The following TIAM2 variants were observed in gnomAD, a reference collection of about 807,000 sequenced individuals.
TIAM2 encodes TIAM Rac1 associated GEF 2, also known as rho guanine nucleotide exchange factor TIAM2.
Under a neutral mutation model 152.9 loss-of-function variants are expected in TIAM2, and 80 were observed. The ratio of observed to expected loss-of-function variants is 0.52; its 90% CI spans 0.44 to 0.63. The LOEUF is 0.63. Ranked by LOEUF, TIAM2 falls within the 30% of genes least tolerant of loss-of-function variation. The pLI is 0.00. For missense variants in TIAM2, 1,965 were observed against 2,120.1 expected (o/e 0.93, Z 1.44); for synonymous variants, 804 against 838.0 (o/e 0.96, Z 0.70).
At chr6:155,094,546 CT>C (rs10694318) in intron 2 of TIAM2, among the ~76,000 whole-genome samples, 8 of 79,958 alleles carry the variant, frequency 1.0e-4, no homozygotes, top group Admixed American at 3.8e-4. Context: ...TTCACTCAGA[CT>C]TTTTTTTTTT....
In TIAM2 at chr6:155,028,141, T is replaced by C. The variant is rs915283401; in HGVS notation, c.-209+32649T>C. ...TGTTACATATATACTATATATAATA[T>C]ATGTACTGTTACATATATACTACAT... On this transcript the variant is annotated intron_variant, in intron 1 of 26. Transcript: ENST00000682666. 3.9e-5 allele frequency among the ~76,000 whole-genome samples: 4 copies of C among 101,960 alleles called. No homozygotes were observed. The East Asian group carries it at 1.1e-3, about 27-fold the overall frequency. The allele number at this position is 101,960 out of a possible 152,430, so 66.9% of individuals were successfully genotyped here.
intron 1 of TIAM2, among the ~76,000 whole-genome samples, chr6:155,065,654 G>T (rs1777677343): frequency 6.6e-6 from 1 of 152,064 alleles, no homozygotes; most frequent in Admixed American, 6.6e-5. Context: ...GGTGACTGTA[G>T]TGCCAGCTCC....
At chr6:155,074,720 GTTCT>G (rs1777915635) in intron 1 of TIAM2, among the ~76,000 whole-genome samples, 1 of 151,966 alleles carries the variant, frequency 6.6e-6, no homozygotes, top group African/African-American at 2.4e-5. Flanking sequence ...TGTTTATTAC[GTTCT>G]TTCTAAGAGA....
chr6:155,132,760 G>A (rs1272537926), intron 4 of TIAM2, among the ~76,000 whole-genome samples: 1 of 152,202 alleles, frequency 6.6e-6, no homozygotes, highest in African/African-American at 2.4e-5. Flanking sequence ...TCCCCTAATT[G>A]GTGGTGGCAT....
rs999640206 is a variant in TIAM2 at position 155,218,470 on chromosome 6, A to G, written c.3168+7163A>G. Among the ~76,000 whole-genome samples the G allele has an allele frequency of 2.0e-5, 3 of 152,324 alleles. No individual in the cohort carries two copies. The highest frequency in any genetic ancestry group is 4.1e-4 in the South Asian group (2 of 4,826). ...TTCCCATCCACCATGCCTTATCATT[A>G]TGTGACCTGGGGCAAGTTACCCAAC... On this transcript the variant is annotated intron_variant, in intron 15 of 26. Transcript: ENST00000682666. This position sits in a 1 kb window ranked among gnomAD's most constrained non-coding sequence, Gnocchi z 4.5.
chr6:155,088,244 C>T (rs139575059), intron 1 of TIAM2, among the ~76,000 whole-genome samples: 2,763 of 151,834 alleles, frequency 0.018, 90 homozygotes, highest in African/African-American at 0.063. Flanking sequence ...TTAGTAGAGA[C>T]GGGGTTTCTC....
Position 155,250,310 on chromosome 6 carries a change from T to TA in TIAM2, c.3951+343dup, listed in dbSNP as rs1238294344. On this transcript the variant is annotated intron_variant, in intron 21 of 26. Transcript: ENST00000682666. ...TTTTGCCTTTTTTTTTTTTTTTTTT[T>TA]AACATCAAATATTGGTGGTTACCTG... Among the ~76,000 whole-genome samples, 113 of 146,170 alleles carry TA rather than the reference T, an allele frequency of 7.7e-4. 1 individual carries two copies. The East Asian group carries it at 0.019, about 25-fold the overall frequency.
chr6:155,094,530 G>T (rs1324770025), intron 2 of TIAM2, among the ~76,000 whole-genome samples: 1 of 147,622 alleles, frequency 6.8e-6, no homozygotes, highest in Non-Finnish European at 1.5e-5. Flanking sequence ...ACTCAGTCAG[G>T]CCTGCTTCAC....
chr6:155,197,834 G>T (rs553662785), intron 14 of TIAM2, among the ~76,000 whole-genome samples: 5 of 152,140 alleles, frequency 3.3e-5, no homozygotes, highest in Non-Finnish European at 7.3e-5. Flanking sequence ...CTCCCACCGG[G>T]TCCCTCCCAG....
intron 22 of TIAM2, among the ~76,000 whole-genome samples, chr6:155,251,503 T>C (rs1289372833): frequency 6.6e-6 from 1 of 152,064 alleles, no homozygotes; most frequent in African/African-American, 2.4e-5. Flanking sequence ...GCCAGACTGG[T>C]CTCGAACTCC....
At chr6:155,239,929 C>A (rs902656123) in intron 15 of TIAM2, among the ~76,000 whole-genome samples, 1 of 151,312 alleles carries the variant, frequency 6.6e-6, no homozygotes, top group Non-Finnish European at 1.5e-5. Flanking sequence ...GCTTCTACTC[C>A]ATTACTAGCA....
intron 15 of TIAM2, among the ~76,000 whole-genome samples, chr6:155,236,642 G>A (rs1299213323): frequency 6.6e-6 from 1 of 152,178 alleles, no homozygotes; most frequent in Non-Finnish European, 1.5e-5. Flanking sequence ...CAGCCTGGGT[G>A]ACAGAGCAAG....
intron 7 of TIAM2, among the ~76,000 whole-genome samples, chr6:155,161,081 CT>C (rs1780256766): frequency 6.6e-6 from 1 of 152,154 alleles, no homozygotes; most frequent in Non-Finnish European, 1.5e-5. Flanking sequence ...CTGAATTCAC[CT>C]GTATTTTGTC....
chr6:155,044,190 A>G (rs1777108856), intron 1 of TIAM2, among the ~76,000 whole-genome samples: 1 of 152,106 alleles, frequency 6.6e-6, no homozygotes. Context: ...ACTGTTTTTC[A>G]CAGAAGATAA....
At chr6:155,066,489 CA>C (rs1777696787) in intron 1 of TIAM2, among the ~76,000 whole-genome samples, 2 of 152,158 alleles carry the variant, frequency 1.3e-5, no homozygotes, top group Non-Finnish European at 2.9e-5. Flanking sequence ...TGTGTTCGTA[CA>C]AACTTTCAGA....
chr6:155,155,543 C>T (rs952757336), intron 7 of TIAM2, among the ~76,000 whole-genome samples: 13 of 151,426 alleles, frequency 8.6e-5, no homozygotes, highest in African/African-American at 2.4e-4. Context: ...GGTGTGATCT[C>T]GGCTCACTGT....
intron 2 of TIAM2, among the ~76,000 whole-genome samples, chr6:155,102,767 T>TTGTG (rs56117781): frequency 0.014 from 2,027 of 145,720 alleles, 19 homozygotes; most frequent in African/African-American, 0.024. Context: ...GATTAATTTA[T>TTGTG]TGTGTGTGTG....
chr6:155,130,309 G>T lies in TIAM2; in HGVS notation c.1086G>T (p.Lys362Asn), dbSNP rs1186119799. Residue 362 changes from lysine to asparagine, a missense_variant, in exon 4 of 27, where the codon AAG becomes AAT. Lys to Asn is a moderately conservative substitution (Grantham distance 94). This residue lies in a region of TIAM2 where 1,025 missense variants were observed against 1,119.4 expected (regional missense o/e 0.92). Transcript: ENST00000682666. ...GTTCCTTCACTCTCCCCTGTCGGAA[G>T]CCCAAAGCCTTTGTTGAGGATACTG... ...QYSSFTLPCR[K>N]PKAFVEDTAK... 1.2e-6 allele frequency: 2 copies of T among 1,614,162 alleles called. No homozygotes were observed. The highest frequency in any genetic ancestry group is 1.7e-6 in the Non-Finnish European group (2 of 1,180,036).
At chr6:155,128,678 G>A (rs529668801) in intron 3 of TIAM2, among the ~76,000 whole-genome samples, 1 of 148,240 alleles carries the variant, frequency 6.7e-6, no homozygotes, top group South Asian at 2.2e-4. Context: ...TGGAGCAACA[G>A]AGTGAGACCC....
Sources: gnomAD v4.1 joint callset for allele counts (sites outside exome capture counted in the v4.1 genomes callset) on GRCh38, gnomAD v4.1.1 for gene constraint, gnomAD v4.1.1 regional missense constraint, Gnocchi (gnomAD v3.1) non-coding constraint, MANE v1.5 for transcripts, NCBI Gene and HGNC (gene_info 2026-07-23, HGNC 2026-07-21) for gene names.